LYPD6: variants seen among roughly 807,000 people sequenced by gnomAD.
LYPD6 encodes the protein ly6/PLAUR domain-containing protein 6.
LYPD6 carries 15 observed loss-of-function variants against 22.7 expected under a neutral mutation model. The observed-to-expected ratio is 0.66, with a 90% CI of 0.44 to 1.02. The LOEUF (loss-of-function observed/expected upper bound fraction) is 1.02. Among genes scored for constraint, LYPD6 ranks in the 50% least tolerant of loss-of-function variants. The pLI is 0.00. For missense variants in LYPD6, 189 were observed against 208.4 expected (o/e 0.91, Z 0.57); for synonymous variants, 72 against 77.5 (o/e 0.93, Z 0.37).
intron 1 of LYPD6, among the ~76,000 whole-genome samples, chr2:149,402,684 T>A (rs1682587058): frequency 6.6e-6 from 1 of 152,182 alleles, no homozygotes; most frequent in South Asian, 2.1e-4. Flanking sequence ...TATCTTCTTT[T>A]GAGAATTGTC....
intron 1 of LYPD6, among the ~76,000 whole-genome samples, chr2:149,373,666 A>C (rs543724274): frequency 2.0e-5 from 3 of 152,286 alleles, no homozygotes; most frequent in Admixed American, 6.5e-5. Context: ...ATTTCATAGC[A>C]TGGAGGCCAT....
intron 1 of LYPD6, among the ~76,000 whole-genome samples, chr2:149,416,581 G>A (rs1297354981): frequency 6.6e-6 from 1 of 152,136 alleles, no homozygotes; most frequent in Non-Finnish European, 1.5e-5. Context: ...CCCTTGCTAA[G>A]TTCTTTGGCA....
chr2:149,379,404 G>T (rs770793887), intron 1 of LYPD6, among the ~76,000 whole-genome samples: 1 of 152,092 alleles, frequency 6.6e-6, no homozygotes, highest in Admixed American at 6.5e-5. Context: ...AAATGTTTAC[G>T]CTTAAATTTT....
chr2:149,437,964 A>G, intron 2 of LYPD6, 138 bp downstream of exon 2: 1 of 989,076 alleles, frequency 1.0e-6, no homozygotes, highest in East Asian at 2.6e-5. Context: ...TAATTTACAA[A>G]AGATGTTTTA....
intron 1 of LYPD6, among the ~76,000 whole-genome samples, chr2:149,353,015 G>T (rs1484732754): frequency 1.3e-5 from 2 of 152,186 alleles, no homozygotes; most frequent in Non-Finnish European, 2.9e-5. Flanking sequence ...GTCCTTGAAT[G>T]CAGTGTACAG....
At chr2:149,390,040 G>A (rs1215553000) in intron 1 of LYPD6, among the ~76,000 whole-genome samples, 4 of 152,182 alleles carry the variant, frequency 2.6e-5, no homozygotes, top group Admixed American at 6.6e-5. Context: ...AGCATTATAT[G>A]CTGTTTGCTA....
chr2:149,444,484 T>C (rs1450701575), intron 2 of LYPD6, among the ~76,000 whole-genome samples: 1 of 152,234 alleles, frequency 6.6e-6, no homozygotes, highest in Non-Finnish European at 1.5e-5. Flanking sequence ...CATGTGATGC[T>C]GTTTGACAGC....
chr2:149,368,677 G>C (rs1030837430), intron 1 of LYPD6, among the ~76,000 whole-genome samples: 1 of 152,202 alleles, frequency 6.6e-6, no homozygotes, highest in Non-Finnish European at 1.5e-5. Flanking sequence ...TTTAGAAGTA[G>C]AGAAGGATTG....
chr2:149,454,426 T>A (rs1238743531), intron 3 of LYPD6, among the ~76,000 whole-genome samples: 2 of 152,230 alleles, frequency 1.3e-5, no homozygotes. Context: ...CCATGTCTTT[T>A]CGAGCAACAA....
intron 1 of LYPD6, among the ~76,000 whole-genome samples, chr2:149,336,708 G>T (rs953952081): frequency 2.0e-5 from 3 of 152,112 alleles, no homozygotes; most frequent in Non-Finnish European, 4.4e-5. Context: ...TCTTTTACCT[G>T]TGTTCTCCAA....
At chr2:149,363,379 A>G (rs997497270) in intron 1 of LYPD6, among the ~76,000 whole-genome samples, 1 of 152,184 alleles carries the variant, frequency 6.6e-6, no homozygotes, top group Non-Finnish European at 1.5e-5. Context: ...ACTGATGCAC[A>G]AAGTGTTTTA....
chr2:149,390,036 A>G (rs1483341828), intron 1 of LYPD6, among the ~76,000 whole-genome samples: 1 of 152,184 alleles, frequency 6.6e-6, no homozygotes, highest in African/African-American at 2.4e-5. Flanking sequence ...GAACAGCATT[A>G]TATGCTGTTT....
chr2:149,406,879 C>A (rs1196298615), intron 1 of LYPD6, among the ~76,000 whole-genome samples: 1 of 137,740 alleles, frequency 7.3e-6, no homozygotes, highest in Non-Finnish European at 1.5e-5. Flanking sequence ...ATCAGTTGTT[C>A]CTTTCCATGT....
intron 2 of LYPD6, among the ~76,000 whole-genome samples, chr2:149,442,743 C>G (rs1223755898): frequency 1.3e-5 from 2 of 151,786 alleles, no homozygotes; most frequent in Non-Finnish European, 2.9e-5. Flanking sequence ...CAAAATATCT[C>G]AAGAGGGAAG....
intron 3 of LYPD6, among the ~76,000 whole-genome samples, chr2:149,451,676 A>T (rs1402401577): frequency 6.6e-6 from 1 of 152,160 alleles, no homozygotes; most frequent in Non-Finnish European, 1.5e-5. Flanking sequence ...CCAGATACCT[A>T]AAGGTATTGC....
At chr2:149,437,039 T>C (rs1449259244) in intron 1 of LYPD6, among the ~76,000 whole-genome samples, 2 of 152,242 alleles carry the variant, frequency 1.3e-5, no homozygotes, top group Non-Finnish European at 2.9e-5. Context: ...TAATTATGCC[T>C]ACCTCATACG....
At chr2:149,402,001 A>T (rs879665793) in intron 1 of LYPD6, among the ~76,000 whole-genome samples, 1 of 152,084 alleles carries the variant, frequency 6.6e-6, no homozygotes, top group African/African-American at 2.4e-5. Flanking sequence ...TTAGAATAAT[A>T]GTCTCTGGAT....
chr2:149,418,763 A>C (rs1031777595), intron 1 of LYPD6, among the ~76,000 whole-genome samples: 15 of 152,282 alleles, frequency 9.9e-5, no homozygotes, highest in African/African-American at 3.1e-4. Flanking sequence ...ACCCTTCTTC[A>C]GCACCCAGCT....
chr2:149,366,096 A>T (rs1387569589), intron 1 of LYPD6, among the ~76,000 whole-genome samples: 1 of 152,154 alleles, frequency 6.6e-6, no homozygotes, highest in Non-Finnish European at 1.5e-5. Flanking sequence ...GTATGATTAA[A>T]CCACATGGAA....
Sources: gnomAD v4.1 joint callset for allele counts (sites outside exome capture counted in the v4.1 genomes callset) on GRCh38, gnomAD v4.1.1 for gene constraint, MANE v1.5 for transcripts, NCBI Gene and HGNC (gene_info 2026-07-23, HGNC 2026-07-21) for gene names.